The following PTCHD4 variants were observed in gnomAD, a reference collection of about 807,000 sequenced individuals.
PTCHD4 encodes patched domain-containing protein 4.
PTCHD4 carries 33 observed loss-of-function variants against 58.1 expected under a neutral mutation model. The observed-to-expected ratio is 0.57, with a 90% CI of 0.43 to 0.76. The LOEUF is 0.76. Among genes scored for constraint, PTCHD4 ranks in the 30% least tolerant of loss-of-function variants. The probability of loss-of-function intolerance (pLI) is 0.00; values close to 1 mark genes in which losing one functional copy is unlikely to be tolerated. For missense variants in PTCHD4, 1,058 were observed against 1,027.1 expected (o/e 1.03, Z -0.41); for synonymous variants, 478 against 409.6 (o/e 1.17, Z -2.02).
chr6:48,104,607 A>G (rs1247164971), intron 1 of PTCHD4, among the ~76,000 whole-genome samples: 2 of 152,184 alleles, frequency 1.3e-5, no homozygotes, highest in African/African-American at 4.8e-5. Flanking sequence ...AACAATACTA[A>G]CCTTAAATGT....
chr6:48,104,570 C>T (rs1323709398), intron 1 of PTCHD4, among the ~76,000 whole-genome samples: 1 of 152,190 alleles, frequency 6.6e-6, no homozygotes, highest in Non-Finnish European at 1.5e-5. Context: ...CAGCTAACAT[C>T]ATAATGATAG....
In PTCHD4 at chr6:47,877,614, C is replaced by T; in HGVS notation, c.*689G>A. On this transcript the variant is annotated 3_prime_UTR_variant, in exon 5 of 5. Transcript: ENST00000339488. ...ATCCCACAGTTGAATGACACACTGA[C>T]TGCTGAGACACTTGGGTTGATTTAG... 6.6e-6 allele frequency among the ~76,000 whole-genome samples: 1 copy of T among 152,030 alleles called. No homozygotes were observed. The highest frequency in any genetic ancestry group is 6.6e-5 in the Admixed American group (1 of 15,242).
intron 3 of PTCHD4, among the ~76,000 whole-genome samples, chr6:48,033,723 A>C (rs1368638336): frequency 6.6e-6 from 1 of 151,914 alleles, no homozygotes; most frequent in African/African-American, 2.4e-5. Flanking sequence ...GGTAATTAAT[A>C]TTTTTTCTTC....
At chr6:48,010,291 G>A (rs1762620653) in intron 3 of PTCHD4, among the ~76,000 whole-genome samples, 1 of 152,154 alleles carries the variant, frequency 6.6e-6, no homozygotes, top group Non-Finnish European at 1.5e-5. Flanking sequence ...GGTAAAATCA[G>A]GAGAAGAAAC....
Position 47,861,664 on chromosome 6 carries a change from C to T in PTCHD4, c.*16639G>A, listed in dbSNP as rs1322027456. Among the ~76,000 whole-genome samples the T allele has an allele frequency of 6.6e-6, 1 of 151,884 alleles. No individual in the cohort carries two copies. Among genetic ancestry groups the T allele is most frequent in the Non-Finnish European group, 1.5e-5 (1 of 67,886 alleles). On this transcript the variant is annotated 3_prime_UTR_variant, in exon 5 of 5. Transcript: ENST00000339488. ...TCTTGAACAATTTTTAGATTAATAG[C>T]AGGTTAATTAGGTTAATAGCAGGCA...
chr6:48,060,009 T>A (rs555916975), intron 3 of PTCHD4, among the ~76,000 whole-genome samples: 4 of 152,308 alleles, frequency 2.6e-5, no homozygotes, highest in African/African-American at 9.6e-5. Flanking sequence ...CCATGATAAT[T>A]TGTAATTATG....
Position 47,899,646 on chromosome 6 carries a change from G to A in PTCHD4, c.899-19710C>T, listed in dbSNP as rs533346909. 14 of 717,172 alleles carry A rather than the reference G, an allele frequency of 2.0e-5. No individual in the cohort carries two copies. In the South Asian group the frequency reaches 7.6e-4, roughly 39 times the overall value. The allele number at this position is 717,172 out of a possible 1,614,324, so 44.4% of individuals were successfully genotyped here. A position where few individuals can be genotyped will look rare whatever the true frequency, so the allele number is the denominator to read the frequency against. On this transcript the variant is annotated intron_variant, in intron 4 of 4. Transcript: ENST00000339488. ...CAGCTTTATTGTGATATAATGCCAA[G>A]CAATTCATTGATTAAAAGTGTACAA...
rs552680921 is a variant in PTCHD4, at chr6:47,921,385, G to A, written c.899-41449C>T. On this transcript the variant is annotated intron_variant, in intron 4 of 4. Coordinates refer to ENST00000339488, the MANE Select transcript of PTCHD4 (RefSeq NM_001384253.1). The stretch of plus-strand genomic sequence containing the variant: ...CTTTTGGCTTTGTTTTTAAAAATCA[G>A]CTTTTGTCTCTCTATTAAAGACTAT... Among the ~76,000 whole-genome samples, 5 of 152,076 alleles carry A rather than the reference G, an allele frequency of 3.3e-5. No individual in the cohort carries two copies. In the South Asian group the frequency reaches 8.3e-4, roughly 25 times the overall value.
At chr6:48,105,275 A>G (rs1015354832) in intron 1 of PTCHD4, among the ~76,000 whole-genome samples, 6 of 152,226 alleles carry the variant, frequency 3.9e-5, no homozygotes, top group Non-Finnish European at 7.3e-5. Flanking sequence ...GTGCAATCAA[A>G]CTAGAACTCA....
At chr6:47,886,402 G>T (rs1047350759) in intron 4 of PTCHD4, among the ~76,000 whole-genome samples, 1 of 151,924 alleles carries the variant, frequency 6.6e-6, no homozygotes, top group Non-Finnish European at 1.5e-5. Flanking sequence ...AAGACATACT[G>T]GTGGGTTTTC....
At chr6:48,092,787 G>A (rs1441796360) in intron 1 of PTCHD4, among the ~76,000 whole-genome samples, 1 of 152,172 alleles carries the variant, frequency 6.6e-6, no homozygotes. Flanking sequence ...CCCTTCCCTA[G>A]CATGGGAATG....
chr6:47,935,297 G>T (rs1765962334), intron 4 of PTCHD4, among the ~76,000 whole-genome samples: 1 of 152,158 alleles, frequency 6.6e-6, no homozygotes, highest in Non-Finnish European at 1.5e-5. Flanking sequence ...TTGTGGCTTT[G>T]AATTGTATTT....
intron 1 of PTCHD4, among the ~76,000 whole-genome samples, chr6:48,102,326 C>T (rs1395462658): frequency 6.6e-6 from 1 of 152,204 alleles, no homozygotes; most frequent in Non-Finnish European, 1.5e-5. Flanking sequence ...TGCCTAAAGT[C>T]TTACAAATAT....
At chr6:48,103,847 A>G (rs535012322) in intron 1 of PTCHD4, among the ~76,000 whole-genome samples, 5 of 152,378 alleles carry the variant, frequency 3.3e-5, no homozygotes, top group Middle Eastern at 3.4e-3. Context: ...AAGAAAGGGT[A>G]TCAGCGATGG....
intron 4 of PTCHD4, chr6:47,901,755 T>TTGG: frequency 1.6e-6 from 2 of 1,226,048 alleles, no homozygotes; most frequent in South Asian, 1.5e-5. Context: ...TCTGATGGTA[T>TTGG]TGGTGGTGAT....
In PTCHD4 at chr6:47,874,968, T is replaced by A. The variant is rs1763809907; in HGVS notation, c.*3335A>T. ...TCTGTAATTTAGGTGAGTACCTCTT[T>A]GAAGTTTATTAACATCAAAGAGAGT... On this transcript the variant is annotated 3_prime_UTR_variant, in exon 5 of 5. Transcript: ENST00000339488. Among the ~76,000 whole-genome samples, 1 of 151,840 alleles carries A rather than the reference T, an allele frequency of 6.6e-6. No homozygotes were observed. The highest frequency in any genetic ancestry group is 1.5e-5 in the Non-Finnish European group (1 of 67,844).
In PTCHD4 at chr6:47,935,750, A is replaced by C. The variant is rs140819649; in HGVS notation, c.899-55814T>G. ...ATTTTAGATGCTGGTATACAGCAAC[A>C]GAAAAGGAAGCATTCTTGCTCTCAT... On this transcript the variant is annotated intron_variant, in intron 4 of 4. Coordinates refer to ENST00000339488, the MANE Select transcript of PTCHD4 (RefSeq NM_001384253.1). 5.1e-4 allele frequency among the ~76,000 whole-genome samples: 78 copies of C among 152,368 alleles called. 2 individuals carry two copies. In the East Asian group the frequency reaches 0.013, roughly 26 times the overall value.
intron 4 of PTCHD4, among the ~76,000 whole-genome samples, chr6:47,906,653 C>T (rs1432282421): frequency 2.6e-5 from 4 of 152,176 alleles, no homozygotes; most frequent in African/African-American, 9.7e-5. Flanking sequence ...AAGTGAATAG[C>T]AAAATCTTCT....
chr6:47,935,124 T>A (rs1423595294), intron 4 of PTCHD4, among the ~76,000 whole-genome samples: 1 of 152,222 alleles, frequency 6.6e-6, no homozygotes, highest in Non-Finnish European at 1.5e-5. Context: ...ATTGGATACT[T>A]TTAAGGGCTC....
Sources: gnomAD v4.1 joint callset for allele counts (sites outside exome capture counted in the v4.1 genomes callset) on GRCh38, gnomAD v4.1.1 for gene constraint, MANE v1.5 for transcripts, NCBI Gene and HGNC (gene_info 2026-07-23, HGNC 2026-07-21) for gene names.